Variants in DCAF11 observed in about 807,000 individuals in gnomAD.
The protein encoded by DCAF11 is DDB1- and CUL4-associated factor 11.
A neutral mutation model predicts 76.1 loss-of-function variants in DCAF11; 44 were observed. The observed-to-expected ratio is 0.58, with a 90% CI of 0.45 to 0.74. DCAF11 has a LOEUF of 0.74. DCAF11 is among the 30% of genes least tolerant of loss of function. The pLI, the probability that DCAF11 is intolerant of heterozygous loss-of-function variation, is 0.00. For synonymous variants in DCAF11, 258 were observed against 255.0 expected, an observed-to-expected ratio of 1.01 and a Z score of -0.11; for missense variants, 604 against 709.4, an observed-to-expected ratio of 0.85 and a Z score of 1.69.
chr14:24,124,043 C>G lies in DCAF11; in HGVS notation c.*734C>G, dbSNP rs891389587. 2 of 152,172 alleles carry G rather than the reference C, an allele frequency of 1.3e-5. No homozygotes were observed. The highest frequency in any genetic ancestry group is 2.9e-5 in the Non-Finnish European group (2 of 68,032). 9.4% of individuals were successfully genotyped at this position (152,172 alleles called of 1,614,324 possible). Reference sequence around the variant, plus strand: ...TGTGGGAACCTGGCTCAGTGTCTGTCTCTCTCTCTCACTCTCTGTTTTTCC... The same window carrying G: ...TGTGGGAACCTGGCTCAGTGTCTGTGTCTCTCTCTCACTCTCTGTTTTTCC... On this transcript the variant is annotated 3_prime_UTR_variant, in exon 15 of 15. Coordinates refer to ENST00000446197, the MANE Select transcript of DCAF11 (RefSeq NM_025230.5).
rs1294080202 is a variant in DCAF11, at chr14:24,118,103, T to G, written c.525T>G (p.Ala175=). 6.2e-7 allele frequency: 1 copy of G among 1,613,116 alleles called. No homozygotes were observed. The highest frequency in any genetic ancestry group is 1.3e-5 in the African/African-American group (1 of 74,942). Residue 175 remains alanine (A), a synonymous_variant, in exon 6 of 15, where the codon GCT becomes GCG. Transcript: ENST00000446197. ...TCACTGATAGCTACTCTCAGAAGGC[T>G]TTCTGTGGCATCTACAGCAAAGATG... is the stretch of plus-strand genomic sequence containing the variant. The part of the protein sequence containing the change: ...LGFTDSYSQK[A]FCGIYSKDGQ...
At chr14:24,118,844 C>T (rs761988783) in intron 8 of DCAF11, 40 bp downstream of exon 8, 1 of 1,607,768 alleles carries the variant, frequency 6.2e-7, no homozygotes, top group South Asian at 1.1e-5. Context: ...TCAGAAACTT[C>T]TCAAGGGAAG....
intron 13 of DCAF11, 73 bp downstream of exon 13, chr14:24,121,590 T>A: frequency 6.5e-7 from 1 of 1,529,788 alleles, no homozygotes; most frequent in Non-Finnish European, 8.9e-7. Flanking sequence ...CTATAACGAC[T>A]AGTGACCACC....
chr14:24,118,131 C>G lies in DCAF11; in HGVS notation c.553C>G (p.Gln185Glu). 6.2e-7 allele frequency: 1 copy of G among 1,613,042 alleles called. No homozygotes were observed. Among genetic ancestry groups the G allele is most frequent in the South Asian group, 1.1e-5 (1 of 90,892 alleles). ...CTGTGGCATCTACAGCAAAGATGGT[C>G]AAATATTCATGTCTGCTTGCCAAGG... ...AFCGIYSKDG[Q>E]IFMSACQDQT... The change falls in exon 6 of 15, where the codon CAA becomes GAA. Residue 185 changes from glutamine (Q) to glutamate (E), a missense_variant. Coordinates refer to ENST00000446197, the MANE Select transcript of DCAF11 (RefSeq NM_025230.5).
At position 24,117,260 on chromosome 14, in the gene DCAF11, T is replaced by C. The variant is rs1566591158; in HGVS notation, c.284-6T>C. Reference sequence around the variant, plus strand: ...CTAGGATGAAACTTCTCCTTGGTACTCACAGTGGATGCTACCCCTGACACC... The same window carrying C: ...CTAGGATGAAACTTCTCCTTGGTACCCACAGTGGATGCTACCCCTGACACC... On this transcript the variant is annotated splice_polypyrimidine_tract_variant and splice_region_variant and intron_variant, in intron 3 of 14. Transcript: ENST00000446197. The surrounding 1 kb of genome is among the most constrained non-coding windows in gnomAD (Gnocchi z 4.3). The C allele has an allele frequency of 6.2e-7, 1 of 1,614,166 alleles. No individual in the cohort carries two copies. The highest frequency in any genetic ancestry group is 2.2e-5 in the East Asian group (1 of 44,884).
chr14:24,117,554 T>C lies in DCAF11; in HGVS notation c.412-114T>C. On this transcript the variant is annotated intron_variant, in intron 4 of 14. Coordinates refer to ENST00000446197, the MANE Select transcript of DCAF11 (RefSeq NM_025230.5). The surrounding 1 kb of genome is among the most constrained non-coding windows in gnomAD (Gnocchi z 4.3). Reference sequence around the variant, plus strand: ...CATCGGAGTTCTGTGGGACAGACTATGATGTGTGTGTCCATTTCTATAACA... The same window carrying C: ...CATCGGAGTTCTGTGGGACAGACTACGATGTGTGTGTCCATTTCTATAACA... The C allele has an allele frequency of 6.7e-7, 1 of 1,500,874 alleles. No individual in the cohort carries two copies. Among genetic ancestry groups the C allele is most frequent in the Non-Finnish European group, 9.2e-7 (1 of 1,092,640 alleles). 93.0% of individuals were successfully genotyped at this position (1,500,874 alleles called of 1,614,324 possible).
At position 24,117,972 on chromosome 14, in the gene DCAF11, T is replaced by C; in HGVS notation, c.477-83T>C. On this transcript the variant is annotated intron_variant, in intron 5 of 14. Transcript: ENST00000446197. The surrounding 1 kb of genome is among the most constrained non-coding windows in gnomAD (Gnocchi z 4.3). ...AAAGGGAAGAATGACTGTTCTGATATTCCAGCTCTGTTAGGATTCTGCTGA... is the reference window on the plus strand; with the variant it reads ...AAAGGGAAGAATGACTGTTCTGATACTCCAGCTCTGTTAGGATTCTGCTGA... 1 of 1,057,612 alleles carries C rather than the reference T, an allele frequency of 9.5e-7. No individual in the cohort carries two copies. The highest frequency in any genetic ancestry group is 1.4e-5 in the South Asian group (1 of 69,064). The allele number at this position is 1,057,612 out of a possible 1,614,324, so 65.5% of individuals were successfully genotyped here.
chr14:24,115,380 A>T lies in DCAF11; in HGVS notation c.-213-2A>T. The T allele has an allele frequency of 1.9e-6, 1 of 519,512 alleles. No individual in the cohort carries two copies. The highest frequency in any genetic ancestry group is 3.5e-5 in the South Asian group (1 of 28,576). The allele number at this position is 519,512 out of a possible 1,614,324, so 32.2% of individuals were successfully genotyped here. A position where few individuals can be genotyped will look rare whatever the true frequency, so the allele number is the denominator to read the frequency against. On this transcript the variant is annotated splice_acceptor_variant, in intron 1 of 14. Transcript: ENST00000446197. LOFTEE classifies it low-confidence loss of function (5UTR_SPLICE). ...TTCACTCTTGCTTTCTTTGCTTCAC[A>T]GGATTGGAGAAGGTTTGTGTTCCCG...
chr14:24,115,007 C>T lies in DCAF11; in HGVS notation c.-500C>T, dbSNP rs766056917. On this transcript the variant is annotated 5_prime_UTR_variant, in exon 1 of 15. Transcript: ENST00000446197. The stretch of plus-strand genomic sequence containing the variant: ...TTCCTCCCCCTCATGGCGTACACAC[C>T]CCCGGCGCACCACGTGGGCGTGAGG... 5.2e-5 allele frequency: 51 copies of T among 985,898 alleles called. No homozygotes were observed. Among genetic ancestry groups the T allele is most frequent in the Non-Finnish European group, 6.0e-5 (50 of 829,976 alleles). 61.1% of individuals were successfully genotyped at this position (985,898 alleles called of 1,614,324 possible). A position where few individuals can be genotyped will look rare whatever the true frequency, so the allele number is the denominator to read the frequency against.
At position 24,119,130 on chromosome 14, in the gene DCAF11, C is replaced by T. The variant is rs1566592502; in HGVS notation, c.780-15C>T. The T allele has an allele frequency of 6.2e-7, 1 of 1,614,230 alleles. No individual in the cohort carries two copies. Among genetic ancestry groups the T allele is most frequent in the East Asian group, 2.2e-5 (1 of 44,890 alleles). ...TGAAGGAAGTCCACTTAACCCAGCT[C>T]CTTCTTGCTTTTAGGCCAGATGAGC... On this transcript the variant is annotated splice_polypyrimidine_tract_variant and intron_variant, in intron 8 of 14. Coordinates refer to ENST00000446197, the MANE Select transcript of DCAF11 (RefSeq NM_025230.5).
At position 24,118,758 on chromosome 14, in the gene DCAF11, T is replaced by C; in HGVS notation, c.733T>C (p.Cys245Arg). ...YSSWSDYIHI[C>R]NIYGEGDTHT... The stretch of plus-strand genomic sequence containing the variant: ...TTTCTTGCTTCTCTTAGTTCATATC[T>C]GCAATATCTATGGTGAGGGAGATAC... The change falls in exon 8 of 15, where the codon TGC becomes CGC. Residue 245 changes from cysteine to arginine, a missense_variant. Physicochemically the swap from Cys to Arg is radical, Grantham distance 180 (BLOSUM62 -3). Transcript: ENST00000446197. 1 of 1,614,130 alleles carries C rather than the reference T, an allele frequency of 6.2e-7. No homozygotes were observed. Among genetic ancestry groups the C allele is most frequent in the Non-Finnish European group, 8.5e-7 (1 of 1,180,024 alleles).
chr14:24,117,371 G>A lies in DCAF11; in HGVS notation c.389G>A (p.Ser130Asn). Reference protein sequence around the residue: ...LGLRRAAQKHSFPRMLHQRER... With the variant: ...LGLRRAAQKHNFPRMLHQRER... ...CTTAGGCGGGCCGCCCAGAAGCACA[G>A]CTTTCCTCGAATGTTGCACCAGGTA... The change falls in exon 4 of 15, where the codon AGC becomes AAC. Residue 130 changes from serine (S) to asparagine (N), a missense_variant. Transcript: ENST00000446197. The surrounding 1 kb of genome is among the most constrained non-coding windows in gnomAD (Gnocchi z 4.3). 2 of 1,614,234 alleles carry A rather than the reference G, an allele frequency of 1.2e-6. No individual in the cohort carries two copies. Among genetic ancestry groups the A allele is most frequent in the Non-Finnish European group, 1.7e-6 (2 of 1,180,044 alleles).
rs1192801521 is a variant in DCAF11, at chr14:24,115,590, A to G, written c.-5A>G. ...CACAGGACCTAAGAATGCTGTGACC[A>G]GAAGATGGGATCGCGGAACAGCAGC... On this transcript the variant is annotated 5_prime_UTR_variant, in exon 2 of 15. Coordinates refer to ENST00000446197, the MANE Select transcript of DCAF11 (RefSeq NM_025230.5). 6 of 1,611,386 alleles carry G rather than the reference A, an allele frequency of 3.7e-6. No homozygotes were observed. The highest frequency in any genetic ancestry group is 4.5e-5 in the East Asian group (2 of 44,872).
chr14:24,117,192 G>A lies in DCAF11; in HGVS notation c.284-74G>A. On this transcript the variant is annotated intron_variant, in intron 3 of 14. Coordinates refer to ENST00000446197, the MANE Select transcript of DCAF11 (RefSeq NM_025230.5). This position sits in a 1 kb window ranked among gnomAD's most constrained non-coding sequence, Gnocchi z 4.3. Reference sequence around the variant, plus strand: ...CCAGTATATTCAGCCACAGGGGTGGGCTTGGGTACAGTTCTGCTAACTGTC... The same window carrying A: ...CCAGTATATTCAGCCACAGGGGTGGACTTGGGTACAGTTCTGCTAACTGTC... 2 of 1,606,292 alleles carry A rather than the reference G, an allele frequency of 1.2e-6. No individual in the cohort carries two copies. The highest frequency in any genetic ancestry group is 1.7e-6 in the Non-Finnish European group (2 of 1,174,766).
chr14:24,121,642 C>A, intron 13 of DCAF11, 125 bp downstream of exon 13: 2 of 1,065,388 alleles, frequency 1.9e-6, no homozygotes, highest in Admixed American at 2.8e-5. Context: ...TCAAACTTAG[C>A]TTGGAGGCTT....
rs1262297324 is a variant in DCAF11, at chr14:24,117,492, A to T, written c.411+99A>T. On this transcript the variant is annotated intron_variant, in intron 4 of 14. Transcript: ENST00000446197. The surrounding 1 kb of genome is among the most constrained non-coding windows in gnomAD (Gnocchi z 4.3). ...AAGGAAGTCAACTTTCCAAAGTAGA[A>T]GCCTCAAGCGCTGGGGCTGGAGAGT... 1.3e-6 allele frequency: 2 copies of T among 1,574,458 alleles called. No individual in the cohort carries two copies. Among genetic ancestry groups the T allele is most frequent in the Non-Finnish European group, 8.6e-7 (1 of 1,158,660 alleles).
Position 24,118,506 on chromosome 14 carries a change from C to T in DCAF11, c.696C>T (p.His232=), listed in dbSNP as rs1458914811. The T allele has an allele frequency of 1.2e-6, 2 of 1,614,086 alleles. No individual in the cohort carries two copies. The highest frequency in any genetic ancestry group is 4.5e-5 in the East Asian group (2 of 44,892). ...LDVAFTPDGN[H]FLYSSWSDYI... The stretch of plus-strand genomic sequence containing the variant: ...TGGCCTTCACCCCTGATGGGAACCA[C>T]TTCCTCTACTCTAGCTGGTCTGATT... The change falls in exon 7 of 15, where the codon CAC becomes CAT. Residue 232 remains histidine (H), a synonymous_variant. Coordinates refer to ENST00000446197, the MANE Select transcript of DCAF11 (RefSeq NM_025230.5).
Position 24,115,391 on chromosome 14 carries a change from A to C in DCAF11, c.-204A>C, listed in dbSNP as rs2037526452. 8 of 568,672 alleles carry C rather than the reference A, an allele frequency of 1.4e-5. No individual in the cohort carries two copies. Among genetic ancestry groups the C allele is most frequent in the East Asian group, 3.3e-5 (1 of 29,866 alleles). 35.2% of individuals were successfully genotyped at this position (568,672 alleles called of 1,614,324 possible). A position where few individuals can be genotyped will look rare whatever the true frequency, so the allele number is the denominator to read the frequency against. On this transcript the variant is annotated 5_prime_UTR_variant, in exon 2 of 15. Transcript: ENST00000446197. ...TTTCTTTGCTTCACAGGATTGGAGA[A>C]GGTTTGTGTTCCCGACGCCTTGGTA... is the stretch of plus-strand genomic sequence containing the variant.
chr14:24,118,603 C>CT (rs760140480), intron 7 of DCAF11, 69 bp downstream of exon 7: 8 of 1,599,752 alleles, frequency 5.0e-6, no homozygotes, highest in Non-Finnish European at 6.8e-6. Context: ...CCTGTCCCCT[C>CT]TGAGCCAGGA....
Sources: gnomAD v4.1 joint callset for allele counts on GRCh38, gnomAD v4.1.1 for gene constraint, Gnocchi (gnomAD v3.1) non-coding constraint, MANE v1.5 for transcripts, NCBI Gene and HGNC (gene_info 2026-07-23, HGNC 2026-07-21) for gene names.